Variants in INSR observed in about 807,000 individuals in gnomAD.
The protein encoded by INSR is IR.
Under a neutral mutation model 142.6 loss-of-function variants are expected in INSR, and 67 were observed. The observed-to-expected ratio is 0.47, with a 90% confidence interval of 0.39 to 0.58. The LOEUF (loss-of-function observed/expected upper bound fraction) is 0.58. Ranked by LOEUF, INSR falls within the 20% of genes least tolerant of loss-of-function variation. The pLI, the probability that INSR is intolerant of heterozygous loss-of-function variation, is 0.00. For synonymous variants in INSR, 756 were observed against 743.1 expected (o/e 1.02, Z -0.28); for missense variants, 1,248 against 1,833.2 (o/e 0.68, Z 5.83).
intron 21 of INSR, 29 bp from the exon 22 acceptor site, chr19:7,117,439 G>T: frequency 6.4e-7 from 1 of 1,562,036 alleles, no homozygotes; most frequent in South Asian, 1.1e-5. Context: ...CGTCCTGGGT[G>T]AGTCTGGGGG....
Position 7,115,520 on chromosome 19 carries a change from G to A in INSR, c.*1536C>T, listed in dbSNP as rs1330616128. 2.0e-5 allele frequency: 3 copies of A among 152,214 alleles called. No homozygotes were observed. Among genetic ancestry groups the A allele is most frequent in the Admixed American group, 2.0e-4 (3 of 15,278 alleles). 9.4% of individuals were successfully genotyped at this position (152,214 alleles called of 1,614,324 possible). ...CTGAGGACCGTCAGATGCTCTCAGG[G>A]TGGAGGGGACCAAGACGTACTCTCA... On this transcript the variant is annotated 3_prime_UTR_variant, in exon 22 of 22. Coordinates refer to ENST00000302850, the MANE Select transcript of INSR (RefSeq NM_000208.4).
chr19:7,168,157 G>A lies in INSR; in HGVS notation c.1484-63C>T. On this transcript the variant is annotated intron_variant, in intron 6 of 21. Transcript: ENST00000302850. This position sits in a 1 kb window ranked among gnomAD's most constrained non-coding sequence, Gnocchi z 4.3. ...TCAGTGTAGTTTCAGACCAAAGCCTGGGACCCCCACACTTCCTGGAGGGAC... is the reference window on the plus strand; with the variant it reads ...TCAGTGTAGTTTCAGACCAAAGCCTAGGACCCCCACACTTCCTGGAGGGAC... The A allele has an allele frequency of 2.6e-6, 4 of 1,564,794 alleles. No homozygotes were observed. The highest frequency in any genetic ancestry group is 2.6e-6 in the Non-Finnish European group (3 of 1,138,448).
chr19:7,206,507 C>A (rs953873961), intron 2 of INSR, among the ~76,000 whole-genome samples: 6 of 152,296 alleles, frequency 3.9e-5, no homozygotes, highest in African/African-American at 1.4e-4. Context: ...ATCTGAGCTG[C>A]GCCTCCTGTC....
At chr19:7,211,059 C>G (rs569333664) in intron 2 of INSR, among the ~76,000 whole-genome samples, 26 of 152,158 alleles carry the variant, frequency 1.7e-4, no homozygotes, top group Admixed American at 1.6e-3. Flanking sequence ...CCCCTTGGGG[C>G]CTGCTTGTTA....
At chr19:7,282,374 G>GTAA (rs1223257046) in intron 1 of INSR, among the ~76,000 whole-genome samples, 5 of 146,154 alleles carry the variant, frequency 3.4e-5, no homozygotes, top group African/African-American at 1.3e-4. Flanking sequence ...CAAAATAATA[G>GTAA]TAATAATAAT....
chr19:7,189,581 C>T (rs887655070), intron 2 of INSR, among the ~76,000 whole-genome samples: 1 of 152,036 alleles, frequency 6.6e-6, no homozygotes, highest in African/African-American at 2.4e-5. Context: ...TCCAATAAAA[C>T]TTTATTTATA....
rs556865221 is a variant in INSR at position 7,169,055 on chromosome 19, A to G, written c.1484-961T>C. Among the ~76,000 whole-genome samples the G allele has an allele frequency of 1.1e-3, 152 of 142,412 alleles. 1 individual carries two copies. In the East Asian group the frequency reaches 0.03, roughly 28 times the overall value. 93.4% of individuals were successfully genotyped at this position (142,412 alleles called of 152,430 possible). On this transcript the variant is annotated intron_variant, in intron 6 of 21. Transcript: ENST00000302850. Reference sequence around the variant, plus strand: ...CAGGACCTGCTGTAGCATTCCAGCCAAAACCTGACTCTCCCTGGACAGCCC... The same window carrying G: ...CAGGACCTGCTGTAGCATTCCAGCCGAAACCTGACTCTCCCTGGACAGCCC...
chr19:7,208,780 C>A (rs1034939358), intron 2 of INSR, among the ~76,000 whole-genome samples: 1 of 151,806 alleles, frequency 6.6e-6, no homozygotes, highest in Non-Finnish European at 1.5e-5. Flanking sequence ...CCGAAGTGGG[C>A]GGATCACGAG....
intron 2 of INSR, among the ~76,000 whole-genome samples, chr19:7,210,131 G>C (rs1347981324): frequency 6.6e-6 from 1 of 151,942 alleles, no homozygotes; most frequent in African/African-American, 2.4e-5. Context: ...GATCACCTGA[G>C]GTCAGGAGTT....
chr19:7,286,686 C>T (rs914423930), intron 1 of INSR, among the ~76,000 whole-genome samples: 4 of 151,542 alleles, frequency 2.6e-5, no homozygotes, highest in South Asian at 2.1e-4. Flanking sequence ...CACTGCACCC[C>T]ACCACAAGAT....
chr19:7,142,670 G>A, intron 12 of INSR, 146 bp downstream of exon 12: 1 of 975,976 alleles, frequency 1.0e-6, no homozygotes, highest in Non-Finnish European at 1.6e-6. Context: ...TCCAGCCTGG[G>A]CGACAGAGCA....
chr19:7,180,942 C>T (rs1354552004), intron 3 of INSR, among the ~76,000 whole-genome samples: 1 of 151,980 alleles, frequency 6.6e-6, no homozygotes, highest in East Asian at 1.9e-4. Flanking sequence ...CAGATGACCA[C>T]TTTTATTTTT....
In INSR at chr19:7,293,786, A is replaced by G; in HGVS notation, c.100+6T>C. 1 of 1,353,016 alleles carries G rather than the reference A, an allele frequency of 7.4e-7. No individual in the cohort carries two copies. The allele number at this position is 1,353,016 out of a possible 1,614,324, so 83.8% of individuals were successfully genotyped here. A position where few individuals can be genotyped will look rare whatever the true frequency, so the allele number is the denominator to read the frequency against. On this transcript the variant is annotated splice_donor_region_variant and intron_variant, in intron 1 of 21. Coordinates refer to ENST00000302850, the MANE Select transcript of INSR (RefSeq NM_000208.4). ...TCCCCGCCCACGCCCGCGCCCCCAGACTCACCCTCTCCGGGGTACAGGTGG... is the reference window on the plus strand; with the variant it reads ...TCCCCGCCCACGCCCGCGCCCCCAGGCTCACCCTCTCCGGGGTACAGGTGG...
intron 1 of INSR, among the ~76,000 whole-genome samples, chr19:7,275,065 G>A (rs1000417152): frequency 6.6e-5 from 10 of 151,136 alleles, no homozygotes; most frequent in African/African-American, 1.7e-4. Context: ...AACCTCTGCC[G>A]CCTGGGTTCA....
intron 11 of INSR, among the ~76,000 whole-genome samples, chr19:7,146,248 T>C (rs1243087695): frequency 2.7e-5 from 4 of 148,860 alleles, no homozygotes; most frequent in Non-Finnish European, 5.9e-5. Context: ...TTTTTTTTTT[T>C]TTTTTTTTTT....
rs972294486 is a variant in INSR at position 7,150,951 on chromosome 19, T to C, written c.2232-419A>G. Among the ~76,000 whole-genome samples, 2 of 151,452 alleles carry C rather than the reference T, an allele frequency of 1.3e-5. No individual in the cohort carries two copies. The highest frequency in any genetic ancestry group is 2.4e-5 in the African/African-American group (1 of 41,188). ...TCTTTTCTCTCTCCCTCTCTCTCCT[T>C]CCTTCCTTCTTTCCTCTTTTACTTT... On this transcript the variant is annotated intron_variant, in intron 10 of 21. Transcript: ENST00000302850. This position sits in a 1 kb window ranked among gnomAD's most constrained non-coding sequence, Gnocchi z 4.2.
intron 1 of INSR, among the ~76,000 whole-genome samples, chr19:7,269,650 CA>C (rs2145214871): frequency 7.0e-6 from 1 of 142,016 alleles, no homozygotes; most frequent in African/African-American, 2.5e-5. Flanking sequence ...TCAGTCACAT[CA>C]ACAGCTTCCA....
rs780921504 is a variant in INSR, at chr19:7,250,382, GA to G, written c.652+16962del. Among the ~76,000 whole-genome samples the G allele has an allele frequency of 5.8e-3, 590 of 101,876 alleles. 2 individuals carry two copies. The highest frequency in any genetic ancestry group is 9.1e-3 in the Non-Finnish European group (455 of 50,070). The allele number at this position is 101,876 out of a possible 152,430, so 66.8% of individuals were successfully genotyped here. On this transcript the variant is annotated intron_variant, in intron 2 of 21. Coordinates refer to ENST00000302850, the MANE Select transcript of INSR (RefSeq NM_000208.4). ...GAAAGAGGAAGGAGGAGGGAGAGAG[GA>G]AGGGAGAGAAGGAAGGGAGGTAAGA... is the stretch of plus-strand genomic sequence containing the variant.
At chr19:7,143,252 C>T (rs1009064166) in intron 11 of INSR, among the ~76,000 whole-genome samples, 162 bp from the exon 12 acceptor site, 2 of 152,206 alleles carry the variant, frequency 1.3e-5, no homozygotes, top group Admixed American at 6.5e-5. Flanking sequence ...GGAATGACCA[C>T]TCAGAGCAGC....
Sources: allele counts gnomAD v4.1 joint callset (sites outside exome capture counted in the v4.1 genomes callset), GRCh38; gene constraint gnomAD v4.1.1; non-coding constraint Gnocchi (gnomAD v3.1); transcripts MANE v1.5; gene names NCBI Gene and HGNC (gene_info 2026-07-23, HGNC 2026-07-21).